Variants in PPP2R5B observed in about 807,000 individuals in gnomAD.
PPP2R5B encodes protein phosphatase 2 regulatory subunit B'beta.
A neutral mutation model predicts 59.9 loss-of-function variants in PPP2R5B; 19 were observed. That is an observed-to-expected ratio of 0.32 (90% confidence interval 0.22 to 0.47). The LOEUF (loss-of-function observed/expected upper bound fraction) is 0.47, where lower values mean the gene tolerates loss of function less well. PPP2R5B is among the 20% of genes least tolerant of loss of function. The pLI is 1.00. For missense variants in PPP2R5B, 441 were observed against 640.2 expected, an observed-to-expected ratio of 0.69 and a Z score of 3.36; for synonymous variants, 286 against 260.5, an observed-to-expected ratio of 1.10 and a Z score of -0.94.
chr11:64,931,676 A>G lies in PPP2R5B; in HGVS notation c.996+67A>G, dbSNP rs1945228620. 3 of 1,613,774 alleles carry G rather than the reference A, an allele frequency of 1.9e-6. No individual in the cohort carries two copies. Among genetic ancestry groups the G allele is most frequent in the Admixed American group, 1.7e-5 (1 of 59,992 alleles). ...AGGGCTCGGCCTCTAGAAGGCAGTC[A>G]GGTGTGTGTATGTGTAGGGGGAGAT... is the stretch of plus-strand genomic sequence containing the variant. On this transcript the variant is annotated intron_variant, in intron 10 of 13. Coordinates refer to ENST00000164133, the MANE Select transcript of PPP2R5B (RefSeq NM_006244.4). This position sits in a 1 kb window ranked among gnomAD's most constrained non-coding sequence, Gnocchi z 5.0.
upstream of PPP2R5B, among the ~76,000 whole-genome samples, chr11:64,919,875 GGA>G (rs1373461010): frequency 3.9e-5 from 6 of 152,086 alleles, no homozygotes; most frequent in African/African-American, 1.4e-4. Context: ...CATTCTTAAG[GGA>G]GAGGAGACCA....
intron 2 of PPP2R5B, among the ~76,000 whole-genome samples, chr11:64,926,204 T>C (rs1411911115): frequency 1.3e-5 from 2 of 152,182 alleles, no homozygotes; most frequent in African/African-American, 2.4e-5. Context: ...ATAGCCTGGG[T>C]TCCAGGGGGC....
At position 64,925,923 on chromosome 11, in the gene PPP2R5B, C is replaced by T. The variant is rs1438201654; in HGVS notation, c.189C>T (p.Pro63=). ...QSNQQELTPL[P]LLKDVPASEL... is the part of the protein sequence containing the mutation. ...ACCAGCAAGAGCTCACACCGCTGCC[C>T]CTGCTCAAAGGTGAGCTGGCTGCTG... Residue 63 remains proline, a synonymous_variant, in exon 2 of 14, where the codon CCC becomes CCT. Coordinates refer to ENST00000164133, the MANE Select transcript of PPP2R5B (RefSeq NM_006244.4). The surrounding 1 kb of genome is among the most constrained non-coding windows in gnomAD (Gnocchi z 4.6). 2 of 1,611,412 alleles carry T rather than the reference C, an allele frequency of 1.2e-6. No individual in the cohort carries two copies. Among genetic ancestry groups the T allele is most frequent in the African/African-American group, 1.3e-5 (1 of 74,906 alleles).
chr11:64,920,325 C>T (rs12806639), upstream of PPP2R5B, among the ~76,000 whole-genome samples: 1,035 of 152,258 alleles, frequency 6.8e-3, 5 homozygotes, highest in Non-Finnish European at 0.011. Context: ...TGGGCACATC[C>T]GTCTCTTAGG....
chr11:64,925,696 C>T lies in PPP2R5B; in HGVS notation c.-39C>T. Reference sequence around the variant, plus strand: ...AGCACCTCCCAGGCCCAGAGAGAACCCCCGGGGCTCTGAAAGCTTGCCCTG... The same window carrying T: ...AGCACCTCCCAGGCCCAGAGAGAACTCCCGGGGCTCTGAAAGCTTGCCCTG... On this transcript the variant is annotated 5_prime_UTR_variant, in exon 2 of 14. Coordinates refer to ENST00000164133, the MANE Select transcript of PPP2R5B (RefSeq NM_006244.4). This position sits in a 1 kb window ranked among gnomAD's most constrained non-coding sequence, Gnocchi z 4.6. The T allele has an allele frequency of 7.4e-7, 1 of 1,349,522 alleles. No individual in the cohort carries two copies. Among genetic ancestry groups the T allele is most frequent in the Non-Finnish European group, 1.0e-6 (1 of 961,280 alleles). 83.6% of individuals were successfully genotyped at this position (1,349,522 alleles called of 1,614,324 possible).
intron 5 of PPP2R5B, 29 bp downstream of exon 5, chr11:64,928,187 AC>A: frequency 6.2e-7 from 1 of 1,613,884 alleles, no homozygotes; most frequent in Non-Finnish European, 8.5e-7. Context: ...GCTGGGTGGT[AC>A]CACAAGGCAG....
At position 64,933,832 on chromosome 11, in the gene PPP2R5B, G is replaced by C; in HGVS notation, c.1482G>C (p.Gly494=). The change falls in exon 14 of 14, where the codon GGG becomes GGC. Residue 494 remains glycine, a synonymous_variant. Transcript: ENST00000164133. ...QRLTPQVAAS[G]GQS is the part of the protein sequence containing the mutation. The stretch of plus-strand genomic sequence containing the variant: ...TTACACCCCAGGTGGCCGCCAGTGG[G>C]GGTCAGAGCTAGACAGCACCTCAGA... The C allele has an allele frequency of 6.5e-7, 1 of 1,546,946 alleles. No individual in the cohort carries two copies. Among genetic ancestry groups the C allele is most frequent in the Non-Finnish European group, 8.7e-7 (1 of 1,145,816 alleles).
intron 1 of PPP2R5B, among the ~76,000 whole-genome samples, chr11:64,917,903 C>G (rs1945054714): frequency 6.6e-6 from 1 of 152,338 alleles, no homozygotes; most frequent in African/African-American, 2.4e-5. Flanking sequence ...TGCCGTCGGT[C>G]AGGCCTTAGG....
rs1945224718 is a variant in PPP2R5B, at chr11:64,931,247, C to T, written c.892-189C>T. Among the ~76,000 whole-genome samples the T allele has an allele frequency of 6.6e-6, 1 of 152,162 alleles. No individual in the cohort carries two copies. Among genetic ancestry groups the T allele is most frequent in the Admixed American group, 6.5e-5 (1 of 15,280 alleles). ...TGACTGTCCCCACTCCCCGCGAGAT[C>T]AGAGTTGTATTCCCAGCACACTGAA... is the stretch of plus-strand genomic sequence containing the variant. On this transcript the variant is annotated intron_variant, in intron 8 of 13. Transcript: ENST00000164133. This position sits in a 1 kb window ranked among gnomAD's most constrained non-coding sequence, Gnocchi z 5.0.
chr11:64,926,974 G>A (rs948948452), intron 3 of PPP2R5B, 66 bp downstream of exon 3: 29 of 1,540,444 alleles, frequency 1.9e-5, no homozygotes, highest in South Asian at 3.5e-5. Context: ...TTTCCTGTCC[G>A]CAGGACCCCT....
chr11:64,925,833 C>A lies in PPP2R5B; in HGVS notation c.99C>A (p.Arg33=). 1.9e-6 allele frequency: 3 copies of A among 1,610,182 alleles called. No homozygotes were observed. Among genetic ancestry groups the A allele is most frequent in the Non-Finnish European group, 2.5e-6 (3 of 1,179,294 alleles). The change falls in exon 2 of 14, where the codon CGC becomes CGA. Residue 33 remains arginine, a synonymous_variant. Coordinates refer to ENST00000164133, the MANE Select transcript of PPP2R5B (RefSeq NM_006244.4). This position sits in a 1 kb window ranked among gnomAD's most constrained non-coding sequence, Gnocchi z 4.6. ...PPPDKVDGFS[R]RSLRRARPRR... is the part of the protein sequence containing the mutation. ...CCGACAAGGTGGACGGCTTCTCCCG[C>A]CGTTCCCTCCGCAGAGCCCGGCCCC...
At position 64,930,224 on chromosome 11, in the gene PPP2R5B, G is replaced by A. The variant is rs1945213549; in HGVS notation, c.723-98G>A. On this transcript the variant is annotated intron_variant, in intron 6 of 13. Transcript: ENST00000164133. The stretch of plus-strand genomic sequence containing the variant: ...CCTCTGGGTTGGGGGAGAGTTGGAT[G>A]AGCGTGCCGTGCAGGTGAGGGTGGG... 4 of 1,339,140 alleles carry A rather than the reference G, an allele frequency of 3.0e-6. No individual in the cohort carries two copies. In the South Asian group the frequency reaches 4.7e-5, roughly 16 times the overall value. 83.0% of individuals were successfully genotyped at this position (1,339,140 alleles called of 1,614,324 possible).
rs1017403845 is a variant in PPP2R5B at position 64,928,135 on chromosome 11, G to C, written c.568G>C (p.Val190Leu). 3 of 1,614,100 alleles carry C rather than the reference G, an allele frequency of 1.9e-6. No homozygotes were observed. In the African/African-American group the frequency reaches 4.0e-5, roughly 22 times the overall value. The change falls in exon 5 of 14, where the codon GTG (valine) becomes CTG (leucine). Residue 190 changes from valine to leucine, a missense_variant. Val to Leu is a conservative substitution (Grantham distance 32). Transcript: ENST00000164133. ...CCAGCCCTCCGTGGCCAAGAGATAT[G>C]TGGATCAAAAGTTTGTCCTGATGGT... ...DFQPSVAKRY[V>L]DQKFVLMLLE...
intron 3 of PPP2R5B, among the ~76,000 whole-genome samples, chr11:64,927,480 G>T (rs1343145076): frequency 6.6e-6 from 1 of 152,176 alleles, no homozygotes; most frequent in East Asian, 1.9e-4. Context: ...TTGGGCCAAG[G>T]CGAGAGGATC....
intron 3 of PPP2R5B, among the ~76,000 whole-genome samples, chr11:64,927,300 C>T (rs1007156030): frequency 4.6e-5 from 7 of 152,232 alleles, no homozygotes; most frequent in Non-Finnish European, 7.3e-5. Flanking sequence ...AGGGATGTGT[C>T]CCATTCACCC....
rs112025105 is a variant in PPP2R5B, at chr11:64,928,840, C to T, written c.722+415C>T. Among the ~76,000 whole-genome samples, 631 of 152,248 alleles carry T rather than the reference C, an allele frequency of 4.1e-3. 2 individuals are homozygous for T. The highest frequency in any genetic ancestry group is 0.014 in the African/African-American group (602 of 41,556). Reference sequence around the variant, plus strand: ...CGGAGCTTGCAGTGAGCCGAGACTGCGCCACTGCAGTCCGCAGTCCGGCCT... The same window carrying T: ...CGGAGCTTGCAGTGAGCCGAGACTGTGCCACTGCAGTCCGCAGTCCGGCCT... On this transcript the variant is annotated intron_variant, in intron 6 of 13. Coordinates refer to ENST00000164133, the MANE Select transcript of PPP2R5B (RefSeq NM_006244.4).
chr11:64,930,199 C>A, intron 6 of PPP2R5B, 123 bp from the exon 7 acceptor site: 3 of 1,091,290 alleles, frequency 2.7e-6, no homozygotes, highest in South Asian at 1.3e-5. Context: ...GGGAGCGCAG[C>A]CTCTGGGTTG....
chr11:64,926,555 TA>T (rs1266858033), intron 2 of PPP2R5B, among the ~76,000 whole-genome samples, 156 bp from the exon 3 acceptor site: 1 of 152,082 alleles, frequency 6.6e-6, no homozygotes, highest in Non-Finnish European at 1.5e-5. Context: ...GAAGGGACAG[TA>T]GTTGTTTGCT....
chr11:64,933,093 G>A (rs369815988), intron 12 of PPP2R5B, 52 bp from the exon 13 acceptor site: 2 of 1,534,264 alleles, frequency 1.3e-6, no homozygotes, highest in Non-Finnish European at 1.8e-6. Context: ...AAAGGGAGAG[G>A]TGGGCAAACC....
Sources: allele counts gnomAD v4.1 joint callset (sites outside exome capture counted in the v4.1 genomes callset), GRCh38; gene constraint gnomAD v4.1.1; non-coding constraint Gnocchi (gnomAD v3.1); transcripts MANE v1.5; gene names NCBI Gene and HGNC (gene_info 2026-07-23, HGNC 2026-07-21).